ATXN1: variants seen among roughly 807,000 people sequenced by gnomAD.
The protein encoded by ATXN1 is ataxin 1.
In ATXN1, 8 loss-of-function variants were observed where a neutral mutation model predicts 56.4. The ratio of observed to expected loss-of-function variants is 0.14; its 90% CI spans 0.08 to 0.26. The LOEUF is 0.26. Ranked by LOEUF, ATXN1 falls within the 10% of genes least tolerant of loss-of-function variation. The pLI, the probability that ATXN1 is intolerant of heterozygous loss-of-function variation, is 1.00. For synonymous variants in ATXN1, 514 were observed against 494.6 expected (o/e 1.04, Z -0.52); for missense variants, 987 against 1,106.5 (o/e 0.89, Z 1.53).
chr6:16,373,149 C>T (rs1392773861), intron 6 of ATXN1, among the ~76,000 whole-genome samples: 1 of 152,190 alleles, frequency 6.6e-6, no homozygotes, highest in Non-Finnish European at 1.5e-5. Flanking sequence ...TGCCTGAGAA[C>T]ATGTCTGCCT....
chr6:16,665,835 T>C (rs1285630386), intron 2 of ATXN1, among the ~76,000 whole-genome samples: 2 of 152,126 alleles, frequency 1.3e-5, no homozygotes, highest in African/African-American at 2.4e-5. Flanking sequence ...CTGTGAGAAG[T>C]GTGCATTTTT....
intron 3 of ATXN1, among the ~76,000 whole-genome samples, chr6:16,608,673 A>C (rs1197997223): frequency 6.6e-6 from 1 of 152,164 alleles, no homozygotes; most frequent in Non-Finnish European, 1.5e-5. Context: ...TTACAGGCAA[A>C]GTGACTGGCT....
chr6:16,602,538 G>A (rs534930108), intron 3 of ATXN1, among the ~76,000 whole-genome samples: 9 of 150,968 alleles, frequency 6.0e-5, no homozygotes, highest in East Asian at 1.9e-4. Flanking sequence ...TGCAACCTTC[G>A]CCTCCTGGGT....
intron 6 of ATXN1, among the ~76,000 whole-genome samples, chr6:16,463,985 C>G (rs975211158): frequency 3.9e-5 from 6 of 152,176 alleles, no homozygotes; most frequent in Non-Finnish European, 8.8e-5. Flanking sequence ...CTAGAGTGTT[C>G]CCCTCTGGAG....
intron 4 of ATXN1, among the ~76,000 whole-genome samples, chr6:16,572,909 G>A (rs1489517426): frequency 6.6e-6 from 1 of 152,204 alleles, no homozygotes; most frequent in Admixed American, 6.5e-5. Flanking sequence ...AGTGGGGCAT[G>A]AATGGCCTTT....
intron 2 of ATXN1, among the ~76,000 whole-genome samples, chr6:16,704,090 A>G (rs1024586724): frequency 6.6e-6 from 1 of 152,212 alleles, no homozygotes; most frequent in African/African-American, 2.4e-5. Context: ...ACTACCATTT[A>G]AAAACTTAAA....
At chr6:16,656,091 A>G (rs1366216476) in intron 3 of ATXN1, among the ~76,000 whole-genome samples, 1 of 150,342 alleles carries the variant, frequency 6.7e-6, no homozygotes, top group African/African-American at 2.4e-5. Context: ...TCCATCTCAA[A>G]AAAAAAAAAA....
intron 3 of ATXN1, among the ~76,000 whole-genome samples, chr6:16,626,822 G>C (rs1561784369): frequency 1.3e-5 from 2 of 152,198 alleles, no homozygotes; most frequent in Non-Finnish European, 2.9e-5. Context: ...CCTTGTAACA[G>C]GAGACTGGGA....
intron 7 of ATXN1, among the ~76,000 whole-genome samples, chr6:16,319,429 C>T (rs910466686): frequency 1.1e-4 from 17 of 152,144 alleles, no homozygotes; most frequent in African/African-American, 3.6e-4. Flanking sequence ...CAGTGGGTGC[C>T]AGGAGTTTCA....
chr6:16,455,583 TA>T (rs1406448338), intron 6 of ATXN1, among the ~76,000 whole-genome samples: 1 of 152,144 alleles, frequency 6.6e-6, no homozygotes, highest in East Asian at 1.9e-4. Context: ...ACAAATAAAC[TA>T]AAAACTTAAG....
chr6:16,334,559 T>C (rs540603896), intron 6 of ATXN1, among the ~76,000 whole-genome samples: 2 of 151,484 alleles, frequency 1.3e-5, no homozygotes, highest in African/African-American at 2.4e-5. Context: ...CTACAAAAAA[T>C]AAAAAAAATT....
chr6:16,613,708 A>G (rs1020656520), intron 3 of ATXN1, among the ~76,000 whole-genome samples: 1 of 152,176 alleles, frequency 6.6e-6, no homozygotes, highest in East Asian at 1.9e-4. Context: ...ATGCACCTGC[A>G]GTCCCAGCTA....
At chr6:16,357,651 C>G (rs1444410239) in intron 6 of ATXN1, among the ~76,000 whole-genome samples, 1 of 152,174 alleles carries the variant, frequency 6.6e-6, no homozygotes, top group Non-Finnish European at 1.5e-5. Context: ...CACTCTACAC[C>G]ATGGCTCCCC....
chr6:16,616,439 C>G (rs1383556684), intron 3 of ATXN1, among the ~76,000 whole-genome samples: 2 of 151,444 alleles, frequency 1.3e-5, no homozygotes, highest in Admixed American at 6.6e-5. Flanking sequence ...ACTTGGGAGG[C>G]TGAGACAGAA....
intron 2 of ATXN1, among the ~76,000 whole-genome samples, chr6:16,732,767 T>C (rs1013823714): frequency 1.3e-5 from 2 of 152,242 alleles, no homozygotes; most frequent in Non-Finnish European, 2.9e-5. Context: ...CTTCTACATG[T>C]ATGCCCTTAT....
chr6:16,753,094 C>T (rs1267430756), intron 2 of ATXN1, 139 bp downstream of exon 2: 1 of 357,056 alleles, frequency 2.8e-6, no homozygotes, highest in African/African-American at 2.1e-5. Context: ...TCTCAACTTC[C>T]CACACTATGC....
rs1345781976 is a variant in ATXN1, at chr6:16,745,933, C to CAT, written c.-615+7299_-615+7300insAT. Among the ~76,000 whole-genome samples the CAT allele has an allele frequency of 4.0e-3, 583 of 147,232 alleles. 8 individuals are homozygous for CAT. The highest frequency in any genetic ancestry group is 9.8e-3 in the African/African-American group (394 of 40,008). On this transcript the variant is annotated intron_variant, in intron 2 of 7. Transcript: ENST00000436367. The stretch of plus-strand genomic sequence containing the variant: ...TTCAGCTCTTAAATGCTATGCCTTC[C>CAT]GTGTGTGTGTGTGTGTGTGTGTGTG...
chr6:16,659,255 G>A (rs1225436477), intron 2 of ATXN1, among the ~76,000 whole-genome samples: 1 of 152,180 alleles, frequency 6.6e-6, no homozygotes, highest in East Asian at 1.9e-4. Flanking sequence ...GGGGTTGTAA[G>A]GATTTTATTA....
chr6:16,430,335 G>T (rs1458061542), intron 6 of ATXN1, among the ~76,000 whole-genome samples: 1 of 145,032 alleles, frequency 6.9e-6, no homozygotes, highest in East Asian at 2.0e-4. Context: ...GGAAGGATAG[G>T]AAAAAAAAAA....
Sources: allele counts gnomAD v4.1 joint callset (sites outside exome capture counted in the v4.1 genomes callset), GRCh38; gene constraint gnomAD v4.1.1; transcripts MANE v1.5; gene names NCBI Gene and HGNC (gene_info 2026-07-23, HGNC 2026-07-21).